The following CADPS variants were observed in gnomAD, a reference collection of about 807,000 sequenced individuals.
The protein encoded by CADPS is calcium dependent secretion activator, also known as calcium-dependent secretion activator 1.
In CADPS, 57 loss-of-function variants were observed where a neutral mutation model predicts 167.3. The ratio of observed to expected loss-of-function variants is 0.34; its 90% CI spans 0.28 to 0.42. The LOEUF is 0.42. CADPS is among the 20% of genes least tolerant of loss of function. CADPS has a pLI of 1.00. For missense variants in CADPS, 1,414 were observed against 1,738.1 expected (o/e 0.81, Z 3.32); for synonymous variants, 676 against 635.3 (o/e 1.06, Z -0.96).
In CADPS at chr3:62,602,072, T is replaced by C. The variant is rs1001185233; in HGVS notation, c.1326-9324A>G. 6.6e-6 allele frequency among the ~76,000 whole-genome samples: 1 copy of C among 151,996 alleles called. No homozygotes were observed. The highest frequency in any genetic ancestry group is 2.4e-5 in the African/African-American group (1 of 41,366). On this transcript the variant is annotated intron_variant, in intron 6 of 29. Transcript: ENST00000383710. This position sits in a 1 kb window ranked among gnomAD's most constrained non-coding sequence, Gnocchi z 4.4. ...TACACACAGTAATTTTCATTAGAAT[T>C]TTTCCCCCCATGAACAAAAAACAAC...
chr3:62,861,173 C>T (rs1272102143), intron 1 of CADPS, among the ~76,000 whole-genome samples: 4 of 152,132 alleles, frequency 2.6e-5, no homozygotes, highest in Non-Finnish European at 5.9e-5. Context: ...ATCACATGTA[C>T]ATTTTCTGAA....
intron 5 of CADPS, among the ~76,000 whole-genome samples, chr3:62,647,372 T>C (rs2068819418): frequency 6.6e-6 from 1 of 152,192 alleles, no homozygotes; most frequent in Admixed American, 6.5e-5. Flanking sequence ...AAACTAGAGA[T>C]TGCTAGGCTC....
At chr3:62,674,517 G>A (rs1034648877) in intron 3 of CADPS, among the ~76,000 whole-genome samples, 2 of 152,144 alleles carry the variant, frequency 1.3e-5, no homozygotes, top group Non-Finnish European at 2.9e-5. Context: ...ATTAAGACCT[G>A]TCAAAGAAAC....
At chr3:62,568,961 T>A (rs972879088) in intron 9 of CADPS, among the ~76,000 whole-genome samples, 6 of 152,366 alleles carry the variant, frequency 3.9e-5, no homozygotes, top group Admixed American at 3.3e-4. Context: ...GGGAGCTAAA[T>A]ACCAGACCTG....
chr3:62,817,621 C>T (rs959456896), intron 1 of CADPS, among the ~76,000 whole-genome samples: 1 of 151,994 alleles, frequency 6.6e-6, no homozygotes, highest in Non-Finnish European at 1.5e-5. Context: ...AGAAAACGTC[C>T]ATGGTTTACT....
intron 1 of CADPS, among the ~76,000 whole-genome samples, chr3:62,855,288 A>G (rs1310123431): frequency 6.6e-6 from 1 of 151,742 alleles, no homozygotes; most frequent in Non-Finnish European, 1.5e-5. Flanking sequence ...AACAAAATAT[A>G]TATCTCAGCA....
intron 7 of CADPS, among the ~76,000 whole-genome samples, chr3:62,591,344 A>C (rs1562575642): frequency 6.6e-6 from 1 of 152,182 alleles, no homozygotes; most frequent in Admixed American, 6.5e-5. Context: ...ACAAGGAGCT[A>C]AGATAGCAAA....
chr3:62,532,057 C>T (rs1471609325), intron 13 of CADPS, among the ~76,000 whole-genome samples: 1 of 152,148 alleles, frequency 6.6e-6, no homozygotes, highest in Non-Finnish European at 1.5e-5. Context: ...AAAGTGTTAT[C>T]ATCATCTTTG....
chr3:62,802,928 C>T (rs939903501), intron 1 of CADPS, among the ~76,000 whole-genome samples: 1 of 152,134 alleles, frequency 6.6e-6, no homozygotes, highest in Non-Finnish European at 1.5e-5. Context: ...AGCAATACGT[C>T]CACACTGTTA....
At chr3:62,547,462 A>C (rs1369519429) in intron 11 of CADPS, among the ~76,000 whole-genome samples, 2 of 152,050 alleles carry the variant, frequency 1.3e-5, no homozygotes, top group African/African-American at 2.4e-5. Flanking sequence ...GTAATAAAGG[A>C]GACAGTACAG....
intron 1 of CADPS, among the ~76,000 whole-genome samples, chr3:62,855,088 C>T (rs2079400062): frequency 2.6e-5 from 1 of 38,604 alleles, no homozygotes; most frequent in African/African-American, 7.4e-5. Flanking sequence ...TCATGCCCGG[C>T]TAATTTTTTT....
Position 62,492,237 on chromosome 3 carries a change from C to A in CADPS, c.2884+53G>T, listed in dbSNP as rs991456898. 1.8e-5 allele frequency: 27 copies of A among 1,479,882 alleles called. No homozygotes were observed. In the African/African-American group the frequency reaches 3.3e-4, roughly 18 times the overall value. The allele number at this position is 1,479,882 out of a possible 1,614,324, so 91.7% of individuals were successfully genotyped here. The stretch of plus-strand genomic sequence containing the variant: ...CTTGGGATAAAGACATCTTAGTGAT[C>A]TGTTTATCTGCACACTACTTAGGAA... On this transcript the variant is annotated intron_variant, in intron 20 of 29. Coordinates refer to ENST00000383710, the MANE Select transcript of CADPS (RefSeq NM_003716.4).
rs374963507 is a variant in CADPS, at chr3:62,753,471, G to A, written c.858C>T (p.Phe286=). 96 of 1,613,180 alleles carry A rather than the reference G, an allele frequency of 6.0e-5. No individual in the cohort carries two copies. The Middle Eastern group carries it at 6.7e-4, about 11-fold the overall frequency. The stretch of plus-strand genomic sequence containing the variant: ...AGGCATTGTAAAGGAGCTGATGTTC[G>A]AACTTCTTGATCCCAAGAATGTTCT... ...MFQNILGIKK[F]EHQLLYNACQ... The change falls in exon 3 of 30, where the codon TTC becomes TTT. Residue 286 remains phenylalanine, a synonymous_variant. Coordinates refer to ENST00000383710, the MANE Select transcript of CADPS (RefSeq NM_003716.4). The surrounding 1 kb of genome is among the most constrained non-coding windows in gnomAD (Gnocchi z 4.6).
chr3:62,844,566 T>C (rs887157042), intron 1 of CADPS, among the ~76,000 whole-genome samples: 2 of 152,114 alleles, frequency 1.3e-5, no homozygotes, highest in Non-Finnish European at 2.9e-5. Context: ...ACATCCAAGC[T>C]TGGTGAGGAA....
At chr3:62,432,235 A>T (rs890534706) in intron 28 of CADPS, among the ~76,000 whole-genome samples, 1 of 152,186 alleles carries the variant, frequency 6.6e-6, no homozygotes, top group Non-Finnish European at 1.5e-5. Flanking sequence ...GTCTACATTC[A>T]TTATATCATT....
At chr3:62,631,120 AC>A (rs2065198765) in intron 6 of CADPS, among the ~76,000 whole-genome samples, 1 of 151,824 alleles carries the variant, frequency 6.6e-6, no homozygotes, top group African/African-American at 2.4e-5. Flanking sequence ...ACACACACAC[AC>A]ACACACACAC....
At chr3:62,408,689 T>G (rs1575616584) in intron 28 of CADPS, among the ~76,000 whole-genome samples, 1 of 152,346 alleles carries the variant, frequency 6.6e-6, no homozygotes, top group Admixed American at 6.5e-5. Context: ...CCCAACATCT[T>G]GATGTTAATT....
At chr3:62,472,126 G>A (rs1455503284) in intron 24 of CADPS, among the ~76,000 whole-genome samples, 2 of 152,202 alleles carry the variant, frequency 1.3e-5, no homozygotes, top group Non-Finnish European at 2.9e-5. Context: ...GTATGATTTT[G>A]TTTATATGAA....
intron 3 of CADPS, among the ~76,000 whole-genome samples, chr3:62,668,751 C>CGTAA (rs1323056744): frequency 2.0e-5 from 3 of 152,094 alleles, no homozygotes; most frequent in African/African-American, 7.2e-5. Context: ...CACCTACTTA[C>CGTAA]GTAGGTGCTA....
Sources: allele counts gnomAD v4.1 joint callset (sites outside exome capture counted in the v4.1 genomes callset), GRCh38; gene constraint gnomAD v4.1.1; non-coding constraint Gnocchi (gnomAD v3.1); transcripts MANE v1.5; gene names NCBI Gene and HGNC (gene_info 2026-07-23, HGNC 2026-07-21).